Variants in GFRA2 observed in about 807,000 individuals in gnomAD.
GFRA2 encodes GDNF family receptor alpha-2.
In GFRA2, 17 loss-of-function variants were observed where a neutral mutation model predicts 48.3. The observed-to-expected ratio is 0.35, with a 90% CI of 0.24 to 0.53. The LOEUF (loss-of-function observed/expected upper bound fraction) is 0.53, where lower values mean the gene tolerates loss of function less well. Ranked by LOEUF, GFRA2 falls within the 20% of genes least tolerant of loss-of-function variation. The pLI is 0.93. For synonymous variants in GFRA2, 305 were observed against 257.2 expected, an observed-to-expected ratio of 1.19 and a Z score of -1.78; for missense variants, 660 against 637.3, an observed-to-expected ratio of 1.04 and a Z score of -0.38.
intron 3 of GFRA2, among the ~76,000 whole-genome samples, chr8:21,774,133 C>A (rs1361263482): frequency 2.0e-5 from 3 of 152,094 alleles, no homozygotes; most frequent in Non-Finnish European, 4.4e-5. Flanking sequence ...CTCCAGCAAT[C>A]CCCTAGAGGA....
chr8:21,788,248 G>A lies in GFRA2; in HGVS notation c.-89C>T. The A allele has an allele frequency of 6.5e-7, 1 of 1,537,266 alleles. No homozygotes were observed. Among genetic ancestry groups the A allele is most frequent in the Non-Finnish European group, 8.7e-7 (1 of 1,143,254 alleles). On this transcript the variant is annotated 5_prime_UTR_variant, in exon 1 of 9. Transcript: ENST00000524240. Reference sequence around the variant, plus strand: ...CAACAACAATAATAATAGGCAAGCAGTGGTAATCAGCCCCAAATCCAATGC... The same window carrying A: ...CAACAACAATAATAATAGGCAAGCAATGGTAATCAGCCCCAAATCCAATGC...
At chr8:21,802,007 T>G (rs1381795958) in intron 2 of GFRA2, among the ~76,000 whole-genome samples, 1 of 152,258 alleles carries the variant, frequency 6.6e-6, no homozygotes, top group Non-Finnish European at 1.5e-5. Flanking sequence ...CTCAGCACGC[T>G]GCCTTGCTCT....
chr8:21,711,051 G>T (rs982296369), intron 4 of GFRA2, among the ~76,000 whole-genome samples: 4 of 152,168 alleles, frequency 2.6e-5, no homozygotes, highest in Admixed American at 2.6e-4. Flanking sequence ...TCCCACTCCA[G>T]CCATGACCCC....
At chr8:21,758,868 G>A (rs928442811) in intron 3 of GFRA2, among the ~76,000 whole-genome samples, 3 of 151,740 alleles carry the variant, frequency 2.0e-5, no homozygotes, top group Non-Finnish European at 4.4e-5. Flanking sequence ...AAACTCAACA[G>A]CATGTGTGCA....
rs535198810 is a variant in GFRA2, at chr8:21,701,390, T to C, written c.1218+1415A>G. On this transcript the variant is annotated intron_variant, in intron 7 of 8. Coordinates refer to ENST00000524240, the MANE Select transcript of GFRA2 (RefSeq NM_001495.5). ...GCCTGGGCGAGACTGCGAGACTCCG[T>C]CTCAAAAAATAAAAAATAAAAAATA... is the stretch of plus-strand genomic sequence containing the variant. 8.5e-5 allele frequency among the ~76,000 whole-genome samples: 13 copies of C among 152,122 alleles called. No homozygotes were observed. In the East Asian group the frequency reaches 2.5e-3, roughly 30 times the overall value.
intron 7 of GFRA2, among the ~76,000 whole-genome samples, chr8:21,701,573 T>G (rs1053775179): frequency 3.9e-5 from 6 of 152,132 alleles, no homozygotes; most frequent in Admixed American, 1.3e-4. Context: ...ACTGACTTAG[T>G]CTGTAGGCCT....
chr8:21,715,334 A>C (rs890577566), intron 4 of GFRA2, among the ~76,000 whole-genome samples: 2 of 152,102 alleles, frequency 1.3e-5, no homozygotes, highest in African/African-American at 4.8e-5. Flanking sequence ...TTTGAGATGA[A>C]GTCTCGCTCT....
At chr8:21,740,051 G>A (rs111377286) in intron 4 of GFRA2, among the ~76,000 whole-genome samples, 2 of 152,288 alleles carry the variant, frequency 1.3e-5, no homozygotes, top group African/African-American at 2.4e-5. Context: ...TAAGCACAGT[G>A]CAGTGGACAG....
At chr8:21,698,763 G>C (rs1476671825) in intron 7 of GFRA2, among the ~76,000 whole-genome samples, 2 of 151,690 alleles carry the variant, frequency 1.3e-5, no homozygotes, top group African/African-American at 4.8e-5. Context: ...CCCCCACTCA[G>C]CACAGCAGAC....
Position 21,782,724 on chromosome 8 carries a change from C to A in GFRA2, c.216G>T (p.Met72Ile). 1 of 1,597,654 alleles carries A rather than the reference C, an allele frequency of 6.3e-7. No homozygotes were observed. The highest frequency in any genetic ancestry group is 8.5e-7 in the Non-Finnish European group (1 of 1,172,732). The stretch of plus-strand genomic sequence containing the variant: ...CCGCCTGGCACTCCTTGTTGGCCAG[C>A]ATGGTGTTGCGGTCGCGGCCTGCCA... ...QCLAGRDRNT[M>I]LANKECQAAL... Residue 72 changes from methionine to isoleucine, a missense_variant, in exon 2 of 9, where the codon ATG becomes ATT. Transcript: ENST00000524240.
intron 7 of GFRA2, among the ~76,000 whole-genome samples, chr8:21,698,846 G>A (rs1472056445): frequency 6.6e-6 from 1 of 150,862 alleles, no homozygotes; most frequent in Non-Finnish European, 1.5e-5. Context: ...TCCTGACTCT[G>A]TGCCTCGGCT....
At chr8:21,779,956 A>C (rs1806893014) in intron 2 of GFRA2, among the ~76,000 whole-genome samples, 1 of 151,088 alleles carries the variant, frequency 6.6e-6, no homozygotes, top group Non-Finnish European at 1.5e-5. Flanking sequence ...TCCCCTTCCC[A>C]AAGGCACCAT....
chr8:21,775,688 G>T (rs1387293945), intron 2 of GFRA2, among the ~76,000 whole-genome samples: 1 of 152,146 alleles, frequency 6.6e-6, no homozygotes, highest in Admixed American at 6.5e-5. Context: ...GGGGCTGAAG[G>T]TCTGCTCAGT....
chr8:21,769,071 T>C (rs954751381), intron 3 of GFRA2: 4 of 494,168 alleles, frequency 8.1e-6, no homozygotes, highest in African/African-American at 2.1e-5. Context: ...TTGGTCTACA[T>C]TGCTACTGAA....
At chr8:21,758,084 G>A (rs1805669937) in intron 3 of GFRA2, among the ~76,000 whole-genome samples, 1 of 152,050 alleles carries the variant, frequency 6.6e-6, no homozygotes, top group Non-Finnish European at 1.5e-5. Flanking sequence ...ACCGAGTCAG[G>A]AGCTCTGCGG....
At position 21,693,750 on chromosome 8, in the gene GFRA2, G is replaced by A. The variant is rs74706513; in HGVS notation, c.1273-350C>T. On this transcript the variant is annotated intron_variant, in intron 8 of 8. Coordinates refer to ENST00000524240, the MANE Select transcript of GFRA2 (RefSeq NM_001495.5). Reference sequence around the variant, plus strand: ...GATGGTATAAAGAGCTGAAGAAGGAGGAGAGAAGAAGAAGGAGAGGAGAGA... The same window carrying A: ...GATGGTATAAAGAGCTGAAGAAGGAAGAGAGAAGAAGAAGGAGAGGAGAGA... Among the ~76,000 whole-genome samples, 510 of 151,910 alleles carry A rather than the reference G, an allele frequency of 3.4e-3. 2 individuals carry two copies. Among genetic ancestry groups the A allele is most frequent in the Non-Finnish European group, 6.0e-3 (405 of 67,964 alleles).
At chr8:21,742,393 G>A (rs1251290933) in intron 4 of GFRA2, among the ~76,000 whole-genome samples, 3 of 152,122 alleles carry the variant, frequency 2.0e-5, no homozygotes, top group African/African-American at 2.4e-5. Context: ...ACGTAACCAG[G>A]AAAAAGGCCC....
At chr8:21,755,576 A>G (rs1436291586) in intron 3 of GFRA2, among the ~76,000 whole-genome samples, 2 of 146,070 alleles carry the variant, frequency 1.4e-5, no homozygotes, top group Non-Finnish European at 3.0e-5. Context: ...GCCCATGCCA[A>G]TGTGAGTTCT....
At chr8:21,704,913 G>A (rs1029922983) in intron 6 of GFRA2, 72 bp downstream of exon 6, 9 of 1,170,358 alleles carry the variant, frequency 7.7e-6, no homozygotes, top group African/African-American at 1.5e-5. Flanking sequence ...GGAAGGAGAT[G>A]GGAATGGCTA....
Sources: gnomAD v4.1 joint callset for allele counts (sites outside exome capture counted in the v4.1 genomes callset) on GRCh38, gnomAD v4.1.1 for gene constraint, MANE v1.5 for transcripts, NCBI Gene and HGNC (gene_info 2026-07-23, HGNC 2026-07-21) for gene names.